Variants in ACAP2 observed in about 807,000 individuals in gnomAD.
ACAP2 encodes the protein ArfGAP with coiled-coil, ankyrin repeat and PH domains 2, also known as arf-GAP with coiled-coil, ANK repeat and PH domain-containing protein 2.
ACAP2 carries 39 observed loss-of-function variants against 115.8 expected under a neutral mutation model. The observed-to-expected ratio is 0.34, with a 90% CI of 0.26 to 0.44. The LOEUF (loss-of-function observed/expected upper bound fraction) is 0.44, where lower values mean the gene tolerates loss of function less well. Ranked by LOEUF, ACAP2 falls within the 20% of genes least tolerant of loss-of-function variation. The probability of loss-of-function intolerance (pLI) is 1.00; values close to 1 mark genes in which losing one functional copy is unlikely to be tolerated. For synonymous variants in ACAP2, 289 were observed against 315.8 expected (o/e 0.92, Z 0.90); for missense variants, 662 against 927.6 (o/e 0.71, Z 3.72).
At chr3:195,285,233 C>A (rs1726766322) in intron 22 of ACAP2, 1 of 152,232 alleles carries the variant, frequency 6.6e-6, no homozygotes, top group African/African-American at 2.4e-5. Context: ...CATTTTAAAT[C>A]TTCAACTCAT....
At chr3:195,407,829 A>C (rs983155221) in intron 1 of ACAP2, among the ~76,000 whole-genome samples, 4 of 152,216 alleles carry the variant, frequency 2.6e-5, no homozygotes, top group Admixed American at 2.0e-4. Context: ...TAAAAGAAAC[A>C]GAAAGTAGAA....
intron 1 of ACAP2, among the ~76,000 whole-genome samples, chr3:195,432,227 C>A (rs2108860720): frequency 6.6e-6 from 1 of 152,006 alleles, no homozygotes; most frequent in African/African-American, 2.4e-5. Context: ...TCTTGGGTTC[C>A]TTGTACTTTA....
chr3:195,370,665 T>C (rs1290070462), intron 4 of ACAP2, among the ~76,000 whole-genome samples: 1 of 152,150 alleles, frequency 6.6e-6, no homozygotes, highest in Non-Finnish European at 1.5e-5. Flanking sequence ...TAGTTTGAAG[T>C]CTGGGCCAGG....
chr3:195,420,836 G>C (rs1448806266), intron 1 of ACAP2, among the ~76,000 whole-genome samples: 1 of 151,990 alleles, frequency 6.6e-6, no homozygotes, highest in East Asian at 1.9e-4. Context: ...TAGAGACAGG[G>C]TTTCACCATG....
At chr3:195,298,527 G>C (rs1307441299) in intron 15 of ACAP2, among the ~76,000 whole-genome samples, 1 of 152,014 alleles carries the variant, frequency 6.6e-6, no homozygotes. Context: ...CAAAGTGCTA[G>C]GATTACAGGC....
intron 18 of ACAP2, among the ~76,000 whole-genome samples, chr3:195,294,513 G>A (rs1021533931): frequency 6.7e-6 from 1 of 150,112 alleles, no homozygotes; most frequent in Non-Finnish European, 1.5e-5. Context: ...GGAAGGCGGA[G>A]GTTGCAGTGA....
intron 1 of ACAP2, among the ~76,000 whole-genome samples, chr3:195,437,686 G>T (rs184877417): frequency 8.8e-4 from 134 of 151,530 alleles, no homozygotes; most frequent in African/African-American, 3.2e-3. Flanking sequence ...GTGGTGGCAG[G>T]CGCCTGTAAT....
intron 1 of ACAP2, among the ~76,000 whole-genome samples, chr3:195,400,976 C>G (rs1457493313): frequency 6.6e-6 from 1 of 152,158 alleles, no homozygotes; most frequent in Non-Finnish European, 1.5e-5. Flanking sequence ...AGCAGGAGGA[C>G]AGCGTGAGCC....
At chr3:195,354,359 C>T (rs563654886) in intron 4 of ACAP2, among the ~76,000 whole-genome samples, 1 of 152,214 alleles carries the variant, frequency 6.6e-6, no homozygotes, top group Non-Finnish European at 1.5e-5. Context: ...ATATACCCAG[C>T]AATGGTATCT....
chr3:195,408,229 A>G (rs888638971), intron 1 of ACAP2, among the ~76,000 whole-genome samples: 1 of 152,200 alleles, frequency 6.6e-6, no homozygotes, highest in Non-Finnish European at 1.5e-5. Context: ...TGGGAGCCCA[A>G]GGCAGGCGGT....
chr3:195,325,520 T>A, intron 9 of ACAP2: 2 of 408,094 alleles, frequency 4.9e-6, no homozygotes, highest in Admixed American at 7.0e-5. Flanking sequence ...ATAGCATCAT[T>A]TTCTTTAAAG....
At chr3:195,330,061 C>T (rs1730065195) in intron 8 of ACAP2, among the ~76,000 whole-genome samples, 1 of 151,948 alleles carries the variant, frequency 6.6e-6, no homozygotes, top group African/African-American at 2.4e-5. Context: ...ATCAACTCAC[C>T]CACTCTTGTG....
intron 20 of ACAP2, among the ~76,000 whole-genome samples, chr3:195,290,639 C>T (rs139911880): frequency 0.024 from 3,705 of 151,650 alleles, 147 homozygotes; most frequent in African/African-American, 0.083. Flanking sequence ...GATGAAACCT[C>T]GTCTCTACTA....
At chr3:195,357,076 TAAGCCA>T (rs1353506193) in intron 4 of ACAP2, among the ~76,000 whole-genome samples, 1 of 151,958 alleles carries the variant, frequency 6.6e-6, no homozygotes, top group Non-Finnish European at 1.5e-5. Context: ...GGAACTACCC[TAAGCCA>T]GAAGGGAACT....
intron 1 of ACAP2, among the ~76,000 whole-genome samples, chr3:195,411,799 C>G (rs1388648054): frequency 6.6e-6 from 1 of 151,646 alleles, no homozygotes; most frequent in Non-Finnish European, 1.5e-5. Context: ...AATCCCAGCA[C>G]TTTGGGAGGT....
chr3:195,411,523 T>C (rs896322982), intron 1 of ACAP2, among the ~76,000 whole-genome samples: 1 of 152,230 alleles, frequency 6.6e-6, no homozygotes, highest in African/African-American at 2.4e-5. Flanking sequence ...TTTTATGTTA[T>C]GTGTATTTAA....
At chr3:195,390,893 T>C (rs1380995632) in intron 2 of ACAP2, among the ~76,000 whole-genome samples, 1 of 152,202 alleles carries the variant, frequency 6.6e-6, no homozygotes, top group Non-Finnish European at 1.5e-5. Context: ...TCTAAACAAA[T>C]GGATCGGAAG....
intron 4 of ACAP2, among the ~76,000 whole-genome samples, chr3:195,356,999 T>C (rs1269167569): frequency 6.6e-6 from 1 of 151,678 alleles, no homozygotes; most frequent in Admixed American, 6.6e-5. Flanking sequence ...ACCTCAAACA[T>C]AGTTGGGAGG....
intron 1 of ACAP2, among the ~76,000 whole-genome samples, chr3:195,396,268 G>A (rs930652350): frequency 6.6e-6 from 1 of 150,774 alleles, no homozygotes; most frequent in South Asian, 2.1e-4. Flanking sequence ...AAACAAATAA[G>A]AAAACTAGAA....
Sources: gnomAD v4.1 joint callset for allele counts (sites outside exome capture counted in the v4.1 genomes callset) on GRCh38, gnomAD v4.1.1 for gene constraint, MANE v1.5 for transcripts, NCBI Gene and HGNC (gene_info 2026-07-23, HGNC 2026-07-21) for gene names.